The following NINL variants were observed in gnomAD, a reference collection of about 807,000 sequenced individuals.
NINL encodes the protein ninein like, also known as ninein-like protein.
In NINL, 153 loss-of-function variants were observed where a neutral mutation model predicts 160.3. The ratio of observed to expected loss-of-function variants is 0.95; its 90% CI spans 0.84 to 1.09. The LOEUF (loss-of-function observed/expected upper bound fraction) is 1.09. NINL is among the 50% of genes least tolerant of loss of function. The pLI, the probability that NINL is intolerant of heterozygous loss-of-function variation, is 0.00. For synonymous variants in NINL, 800 were observed against 734.8 expected, an observed-to-expected ratio of 1.09 and a Z score of -1.43; for missense variants, 1,829 against 1,764.0, an observed-to-expected ratio of 1.04 and a Z score of -0.66.
At chr20:25,461,423 C>G in intron 21 of NINL, 99 bp downstream of exon 21, 1 of 722,166 alleles carries the variant, frequency 1.4e-6, no homozygotes, top group East Asian at 2.7e-5. Context: ...GCAACTACTT[C>G]TTTGGGCTGG....
At position 25,460,902 on chromosome 20, in the gene NINL, G is replaced by A. The variant is rs867062205; in HGVS notation, c.3696+620C>T. On this transcript the variant is annotated intron_variant, in intron 21 of 23. Transcript: ENST00000278886. ...GCACCTGTGTCCACACTGGGCACTCGCCCTCTGGGCACCTTTGGCCGTTAC... is the reference window on the plus strand; with the variant it reads ...GCACCTGTGTCCACACTGGGCACTCACCCTCTGGGCACCTTTGGCCGTTAC... 2.0e-5 allele frequency among the ~76,000 whole-genome samples: 3 copies of A among 147,830 alleles called. No homozygotes were observed. In the East Asian group the frequency reaches 5.8e-4, roughly 29 times the overall value.
intron 1 of NINL, among the ~76,000 whole-genome samples, chr20:25,532,759 T>C (rs767366830): frequency 1.3e-5 from 2 of 152,196 alleles, no homozygotes; most frequent in Non-Finnish European, 2.9e-5. Flanking sequence ...TTTGCCAGCA[T>C]ATGGCCTAAC....
chr20:25,498,353 G>C lies in NINL; in HGVS notation c.1033-7C>G. 1 of 1,612,300 alleles carries C rather than the reference G, an allele frequency of 6.2e-7. No individual in the cohort carries two copies. The highest frequency in any genetic ancestry group is 8.5e-7 in the Non-Finnish European group (1 of 1,179,970). On this transcript the variant is annotated splice_polypyrimidine_tract_variant and splice_region_variant and intron_variant, in intron 8 of 23. Transcript: ENST00000278886. ...CCACGCTGAAGTCCAGGCTCTGGAAGCAGCAAGCCTGGTAAGCAGGAGAGG... is the reference window on the plus strand; with the variant it reads ...CCACGCTGAAGTCCAGGCTCTGGAACCAGCAAGCCTGGTAAGCAGGAGAGG...
chr20:25,501,140 C>G, intron 7 of NINL, 130 bp from the exon 8 acceptor site: 1 of 1,230,194 alleles, frequency 8.1e-7, no homozygotes. Flanking sequence ...AGACCATCCT[C>G]AGCTCTCAGA....
At chr20:25,453,912 C>T (rs954827579) in intron 23 of NINL, among the ~76,000 whole-genome samples, 1 of 152,048 alleles carries the variant, frequency 6.6e-6, no homozygotes, top group African/African-American at 2.4e-5. Flanking sequence ...ATTAGCTGGG[C>T]GTGGTGGCGG....
intron 23 of NINL, among the ~76,000 whole-genome samples, chr20:25,454,768 G>T (rs1241314487): frequency 6.6e-6 from 1 of 152,172 alleles, no homozygotes; most frequent in East Asian, 1.9e-4. Flanking sequence ...CAGCACTGCT[G>T]CACGTCAGTT....
intron 1 of NINL, among the ~76,000 whole-genome samples, chr20:25,558,655 T>C (rs2064897483): frequency 6.6e-6 from 1 of 152,230 alleles, no homozygotes; most frequent in Admixed American, 6.5e-5. Context: ...TACATTCCAT[T>C]GTCCTCAACA....
chr20:25,539,276 C>A (rs1444756300), intron 1 of NINL, among the ~76,000 whole-genome samples: 1 of 152,222 alleles, frequency 6.6e-6, no homozygotes, highest in Admixed American at 6.5e-5. Flanking sequence ...ATCTTCCTGA[C>A]CCATGCAAAG....
chr20:25,519,497 C>T (rs2064224306), intron 2 of NINL, among the ~76,000 whole-genome samples: 1 of 152,122 alleles, frequency 6.6e-6, no homozygotes, highest in South Asian at 2.1e-4. Flanking sequence ...TTTTGTCTAA[C>T]ATGTTTTTAT....
chr20:25,531,085 G>A (rs1055032810), intron 1 of NINL, among the ~76,000 whole-genome samples: 4 of 152,252 alleles, frequency 2.6e-5, no homozygotes, highest in East Asian at 1.9e-4. Flanking sequence ...CCTCAGGGAC[G>A]CATTCTCTTT....
At chr20:25,548,177 G>A (rs2064758457) in intron 1 of NINL, among the ~76,000 whole-genome samples, 1 of 152,162 alleles carries the variant, frequency 6.6e-6, no homozygotes, top group Admixed American at 6.5e-5. Flanking sequence ...TGGTCGGGGG[G>A]GTTCTGCTGC....
In NINL at chr20:25,461,569, G is replaced by A. The variant is rs776391080; in HGVS notation, c.3649C>T (p.Leu1217=). ...CLNQEHQSLQ[L]PWSELTQTLE... is the part of the protein sequence containing the mutation. ...GTCTGGGTCAGCTCTGACCATGGCA[G>A]CTGCAGGCTCTGATGTTCCTGATTC... The change falls in exon 21 of 24, where the codon CTG becomes TTG. Residue 1217 remains leucine, a synonymous_variant. Transcript: ENST00000278886. The A allele has an allele frequency of 6.2e-7, 1 of 1,606,688 alleles. No homozygotes were observed. The highest frequency in any genetic ancestry group is 8.5e-7 in the Non-Finnish European group (1 of 1,177,484).
At chr20:25,463,499 T>C (rs892943764) in intron 19 of NINL, among the ~76,000 whole-genome samples, 4 of 152,192 alleles carry the variant, frequency 2.6e-5, no homozygotes, top group African/African-American at 9.7e-5. Context: ...CAAACGTTCA[T>C]GAGGGGAACC....
chr20:25,524,931 GTA>G (rs59291392), intron 2 of NINL, among the ~76,000 whole-genome samples: 6 of 146,456 alleles, frequency 4.1e-5, no homozygotes, highest in Admixed American at 6.8e-5. Flanking sequence ...ATATGTGTGT[GTA>G]TATATATATA....
chr20:25,499,943 C>T (rs1368851500), intron 8 of NINL, among the ~76,000 whole-genome samples: 10 of 77,700 alleles, frequency 1.3e-4, no homozygotes, highest in Non-Finnish European at 6.2e-5. Context: ...ACACCAATTT[C>T]GCAAAAAAAA....
intron 22 of NINL, among the ~76,000 whole-genome samples, chr20:25,456,577 AAGGTTAC>A (rs1419517144): frequency 6.6e-6 from 1 of 151,816 alleles, no homozygotes; most frequent in Non-Finnish European, 1.5e-5. Context: ...CAAAAACAAA[AAGGTTAC>A]AGGCAATATT....
rs7264066 is a variant in NINL, at chr20:25,463,519, G to A, written c.3424-978C>T. Reference sequence around the variant, plus strand: ...GTTCATGAGGGGAACCTGTGAGGGCGCAGTGCAGTGACAGCGGCAGGAAAG... The same window carrying A: ...GTTCATGAGGGGAACCTGTGAGGGCACAGTGCAGTGACAGCGGCAGGAAAG... On this transcript the variant is annotated intron_variant, in intron 19 of 23. Coordinates refer to ENST00000278886, the MANE Select transcript of NINL (RefSeq NM_025176.6). Among the ~76,000 whole-genome samples, 998 of 152,294 alleles carry A rather than the reference G, an allele frequency of 6.6e-3. 16 individuals are homozygous for A. Among genetic ancestry groups the A allele is most frequent in the African/African-American group, 0.023 (954 of 41,552 alleles).
At chr20:25,460,170 T>C (rs1391850103) in intron 21 of NINL, among the ~76,000 whole-genome samples, 4 of 152,116 alleles carry the variant, frequency 2.6e-5, no homozygotes, top group African/African-American at 9.7e-5. Flanking sequence ...GTGACTGCCC[T>C]AGCTTCCCTC....
intron 1 of NINL, among the ~76,000 whole-genome samples, chr20:25,575,446 CAAAAAAA>C (rs1167252309): frequency 1.6e-4 from 7 of 43,768 alleles, no homozygotes; most frequent in African/African-American, 5.4e-4. Flanking sequence ...GACTCCGTCT[CAAAAAAA>C]AAAAAAAAAA....
Sources: allele counts gnomAD v4.1 joint callset (sites outside exome capture counted in the v4.1 genomes callset), GRCh38; gene constraint gnomAD v4.1.1; transcripts MANE v1.5; gene names NCBI Gene and HGNC (gene_info 2026-07-23, HGNC 2026-07-21).